Variants in CFAP58 observed in about 807,000 individuals in gnomAD.
CFAP58 encodes the protein cilia- and flagella-associated protein 58.
A neutral mutation model predicts 119.5 loss-of-function variants in CFAP58; 88 were observed. The observed-to-expected ratio is 0.74, with a 90% CI of 0.62 to 0.88. The LOEUF (loss-of-function observed/expected upper bound fraction) is 0.88. Among genes scored for constraint, CFAP58 ranks in the 40% least tolerant of loss-of-function variants. The probability of loss-of-function intolerance (pLI) is 0.00; values close to 1 mark genes in which losing one functional copy is unlikely to be tolerated. For missense variants in CFAP58, 990 were observed against 1,021.2 expected, an observed-to-expected ratio of 0.97 and a Z score of 0.42; for synonymous variants, 365 against 366.3, an observed-to-expected ratio of 1.00 and a Z score of 0.04.
At chr10:104,399,295 G>A (rs996735777) in intron 11 of CFAP58, 65 bp from the exon 12 acceptor site, 2 of 1,561,492 alleles carry the variant, frequency 1.3e-6, no homozygotes, top group African/African-American at 1.4e-5. Context: ...CTGAATCCGG[G>A]CCCTGTCGTC....
intron 13 of CFAP58, 65 bp downstream of exon 13, chr10:104,400,968 C>T (rs1242918278): frequency 1.4e-5 from 16 of 1,155,672 alleles, no homozygotes; most frequent in Middle Eastern, 2.2e-4. Flanking sequence ...AAAATCACTT[C>T]GTAGTCATGC....
chr10:104,411,884 A>C (rs2012467383), intron 15 of CFAP58, among the ~76,000 whole-genome samples: 1 of 152,030 alleles, frequency 6.6e-6, no homozygotes, highest in South Asian at 2.1e-4. Context: ...AAAAGTCACT[A>C]ACTTTATGCT....
intron 15 of CFAP58, among the ~76,000 whole-genome samples, chr10:104,414,707 T>C (rs1451649069): frequency 6.6e-6 from 1 of 152,190 alleles, no homozygotes; most frequent in East Asian, 1.9e-4. Flanking sequence ...TCTTGCTCTG[T>C]CACCCAGGCT....
Position 104,447,836 on chromosome 10 carries a change from T to C in CFAP58, c.2376+19T>C. On this transcript the variant is annotated intron_variant, in intron 16 of 17. Coordinates refer to ENST00000369704, the MANE Select transcript of CFAP58 (RefSeq NM_001008723.2). ...GCTGAAAGTAAGTGGTAGCCCCTGT[T>C]CCTTCCGGGTTCCAGGGCAGCCACA... The C allele has an allele frequency of 6.3e-7, 1 of 1,590,506 alleles. No individual in the cohort carries two copies. Among genetic ancestry groups the C allele is most frequent in the Non-Finnish European group, 8.6e-7 (1 of 1,165,998 alleles).
At chr10:104,408,202 T>G (rs2012396716) in intron 15 of CFAP58, among the ~76,000 whole-genome samples, 1 of 152,186 alleles carries the variant, frequency 6.6e-6, no homozygotes, top group East Asian at 1.9e-4. Context: ...TAGATTACTG[T>G]GTGGTTGAGG....
chr10:104,431,606 C>T (rs1246118548), intron 15 of CFAP58, among the ~76,000 whole-genome samples: 5 of 152,016 alleles, frequency 3.3e-5, no homozygotes, highest in Non-Finnish European at 7.4e-5. Context: ...TGTTTTGTCA[C>T]ATTTGTTTCA....
chr10:104,401,111 C>T (rs1036534576), intron 13 of CFAP58, among the ~76,000 whole-genome samples: 3 of 152,174 alleles, frequency 2.0e-5, no homozygotes, highest in Non-Finnish European at 4.4e-5. Flanking sequence ...AATGAACCAG[C>T]TTCCTTTCGG....
intron 15 of CFAP58, among the ~76,000 whole-genome samples, chr10:104,426,160 T>C (rs12257256): frequency 0.15 from 22,342 of 152,126 alleles, 1,826 homozygotes; most frequent in Middle Eastern, 0.31. Flanking sequence ...TGATCACCCT[T>C]GACCAGAGGT....
chr10:104,421,947 A>G (rs1279195589), intron 15 of CFAP58, among the ~76,000 whole-genome samples: 2 of 152,222 alleles, frequency 1.3e-5, no homozygotes, highest in African/African-American at 2.4e-5. Flanking sequence ...GCACTTCGGG[A>G]GGCCGAGGTG....
chr10:104,399,040 G>C (rs566706853), intron 11 of CFAP58, among the ~76,000 whole-genome samples: 2 of 152,132 alleles, frequency 1.3e-5, no homozygotes, highest in Non-Finnish European at 2.9e-5. Context: ...CTGGTGTTTA[G>C]CTGGTAAGAG....
chr10:104,390,380 C>A (rs1406440019), intron 9 of CFAP58, among the ~76,000 whole-genome samples: 1 of 152,098 alleles, frequency 6.6e-6, no homozygotes. Flanking sequence ...ATTATAAGAT[C>A]CCATTTGGCT....
chr10:104,340,312 A>G, the CFAP58 span, among the ~76,000 whole-genome samples: 2 of 152,180 alleles, frequency 1.3e-5, no homozygotes, highest in Non-Finnish European at 2.9e-5. Context: ...TTTGCATGAT[A>G]TGCTTTTTCT....
At position 104,358,391 on chromosome 10, in the gene CFAP58, A is replaced by G; in HGVS notation, c.60A>G (p.Glu20=). 6.2e-7 allele frequency: 1 copy of G among 1,614,036 alleles called. No individual in the cohort carries two copies. Among genetic ancestry groups the G allele is most frequent in the Non-Finnish European group, 8.5e-7 (1 of 1,179,972 alleles). ...AAGAATCTGCATTTGAAGAAATGGA[A>G]AGAGATTTTCAGGGAGTTCTCCATG... ...VLEESAFEEM[E]RDFQGVLHEL... Residue 20 remains glutamate, a synonymous_variant, in exon 2 of 18, where the codon GAA becomes GAG. Coordinates refer to ENST00000369704, the MANE Select transcript of CFAP58 (RefSeq NM_001008723.2).
At chr10:104,439,648 T>C (rs2013002139) in intron 15 of CFAP58, among the ~76,000 whole-genome samples, 1 of 152,040 alleles carries the variant, frequency 6.6e-6, no homozygotes, top group African/African-American at 2.4e-5. Context: ...AGGGCTGCAA[T>C]GAGTTGTGAT....
intron 15 of CFAP58, among the ~76,000 whole-genome samples, chr10:104,411,240 G>C (rs1186076638): frequency 6.6e-6 from 1 of 152,046 alleles, no homozygotes; most frequent in Non-Finnish European, 1.5e-5. Flanking sequence ...AGTTCTTTCA[G>C]TGTGCTTATC....
chr10:104,390,661 A>T (rs1019910693), intron 9 of CFAP58, among the ~76,000 whole-genome samples: 1 of 152,204 alleles, frequency 6.6e-6, no homozygotes, highest in Non-Finnish European at 1.5e-5. Context: ...GCAGAATCCA[A>T]TGAAAAATAT....
chr10:104,350,149 C>T (rs1260064554), upstream of CFAP58, among the ~76,000 whole-genome samples: 2 of 152,154 alleles, frequency 1.3e-5, no homozygotes, highest in African/African-American at 2.4e-5. Context: ...GGGAGAAGAT[C>T]GTGTCTTCAA....
chr10:104,358,008 CACATATATGT>C lies in CFAP58; in HGVS notation c.10-324_10-315del, dbSNP rs1250053572. Reference sequence around the variant, plus strand: ...GTACACATATATGTACACATATATACACATATATGTACATATATATACATATGTACATATA... The same window carrying C: ...GTACACATATATGTACACATATATACACATATATATACATATGTACATATA... On this transcript the variant is annotated intron_variant, in intron 1 of 17. Coordinates refer to ENST00000369704, the MANE Select transcript of CFAP58 (RefSeq NM_001008723.2). 2.1e-4 allele frequency among the ~76,000 whole-genome samples: 28 copies of C among 130,602 alleles called. No individual in the cohort carries two copies. The South Asian group carries it at 6.4e-3, about 30-fold the overall frequency. The allele number at this position is 130,602 out of a possible 152,430, so 85.7% of individuals were successfully genotyped here.
chr10:104,358,005 A>ATG (rs1348372625), intron 1 of CFAP58, among the ~76,000 whole-genome samples: 4 of 134,468 alleles, frequency 3.0e-5, no homozygotes, highest in East Asian at 2.0e-4. Context: ...GTACACATAT[A>ATG]TACACATATA....
Sources: allele counts gnomAD v4.1 joint callset (sites outside exome capture counted in the v4.1 genomes callset), GRCh38; gene constraint gnomAD v4.1.1; transcripts MANE v1.5; gene names NCBI Gene and HGNC (gene_info 2026-07-23, HGNC 2026-07-21).